Variants in GALK1 observed in about 807,000 individuals in gnomAD.
GALK1 encodes the protein galactokinase.
In GALK1, 30 loss-of-function variants were observed where a neutral mutation model predicts 38.6. That is an observed-to-expected ratio of 0.78 (90% confidence interval 0.58 to 1.05). GALK1 has a LOEUF of 1.05. Among genes scored for constraint, GALK1 ranks in the 50% least tolerant of loss-of-function variants. The probability of loss-of-function intolerance (pLI) is 0.00; values close to 1 mark genes in which losing one functional copy is unlikely to be tolerated. For synonymous variants in GALK1, 240 were observed against 233.6 expected (o/e 1.03, Z -0.25); for missense variants, 512 against 540.5 (o/e 0.95, Z 0.52).
chr17:75,755,740 G>T, downstream of GALK1: 2 of 1,612,760 alleles, frequency 1.2e-6, no homozygotes, highest in Non-Finnish European at 1.7e-6. Flanking sequence ...ACGCCCACCC[G>T]CCTGGTGTTC....
downstream of GALK1, chr17:75,757,835 T>C: frequency 1.5e-6 from 1 of 666,318 alleles, no homozygotes; most frequent in Non-Finnish European, 2.6e-6. Flanking sequence ...GCCTTGCCCA[T>C]TCTTCTGGGG....
chr17:75,755,118 G>A (rs144558385), downstream of GALK1: 101 of 1,609,086 alleles, frequency 6.3e-5, no homozygotes, highest in Admixed American at 1.3e-4. Flanking sequence ...CTGGGGTCCC[G>A]GAGTCGGGCT....
intron 8 of GALK1, among the ~76,000 whole-genome samples, chr17:75,752,893 C>G (rs770124139): frequency 3.3e-5 from 5 of 152,164 alleles, no homozygotes; most frequent in Admixed American, 6.5e-5. Flanking sequence ...AGGGGCAGGC[C>G]TGGCCCAGGA....
chr17:75,754,005 G>T, downstream of GALK1: 1 of 1,002,544 alleles, frequency 1.0e-6, no homozygotes, highest in Non-Finnish European at 1.3e-6. Flanking sequence ...CCCCCGATCC[G>T]CGCCCACCCA....
chr17:75,756,376 C>T, downstream of GALK1: 8 of 1,595,344 alleles, frequency 5.0e-6, no homozygotes, highest in Non-Finnish European at 6.9e-6. Flanking sequence ...GAGGATCAGG[C>T]CAGGGGTGGG....
chr17:75,762,789 G>T lies in GALK1; in HGVS notation c.708C>A (p.Tyr236Ter), dbSNP rs980603321. Residue 236 changes from tyrosine (Y) to a stop codon, truncating the protein, a stop_gained, in exon 5 of 8, where the codon TAC becomes TAA. Transcript: ENST00000588479. LOFTEE classifies it high-confidence loss of function. ...NVRHSLASSE[Y>*]PVRRRQCEEV... ...CTTCACATTGGCGCCGCCGCACAGG[G>T]TACTCGCTGGAGGCCAGGGAGTGGC... is the stretch of plus-strand genomic sequence containing the variant. The T allele has an allele frequency of 8.7e-6, 14 of 1,613,802 alleles. No individual in the cohort carries two copies. The highest frequency in any genetic ancestry group is 2.7e-5 in the African/African-American group (2 of 74,932).
chr17:75,764,415 T>C, intron 1 of GALK1: 1 of 598,704 alleles, frequency 1.7e-6, no homozygotes, highest in Non-Finnish European at 3.2e-6. Flanking sequence ...CTGGACATCC[T>C]GTACCTGTGC....
downstream of GALK1, chr17:75,754,358 G>A: frequency 1.6e-6 from 1 of 618,502 alleles, no homozygotes; most frequent in Non-Finnish European, 2.8e-6. Flanking sequence ...CACCGATAGA[G>A]TGGCCGGCCA....
At chr17:75,763,610 AT>A in intron 2 of GALK1, 171 bp from the exon 3 acceptor site, 2 of 769,762 alleles carry the variant, frequency 2.6e-6, no homozygotes, top group Non-Finnish European at 2.1e-6. Flanking sequence ...ACTGCCCTCC[AT>A]TTTCCCACCC....
At chr17:75,755,824 G>A, downstream of GALK1, 3 of 1,607,512 alleles carry the variant, frequency 1.9e-6, no homozygotes, top group Non-Finnish European at 2.5e-6. Flanking sequence ...CAGGGCTACA[G>A]TGTGGAGTAC....
chr17:75,755,906 G>T (rs950716066), downstream of GALK1: 4 of 1,574,202 alleles, frequency 2.5e-6, no homozygotes, highest in African/African-American at 5.4e-5. Flanking sequence ...CCTGGCCCCA[G>T]TGTGACACAT....
At chr17:75,752,723 C>T in intron 8 of GALK1, 1 of 1,027,564 alleles carries the variant, frequency 9.7e-7, no homozygotes, top group East Asian at 2.5e-5. Context: ...GAGTGCACAT[C>T]TGTGCATGGG....
At chr17:75,752,433 C>T (rs2061389936) in intron 8 of GALK1, 1 of 1,613,128 alleles carries the variant, frequency 6.2e-7, no homozygotes, top group Non-Finnish European at 8.5e-7. Flanking sequence ...TGGCTCACTC[C>T]CCTGCCCTGC....
intron 5 of GALK1, among the ~76,000 whole-genome samples, 160 bp downstream of exon 5, chr17:75,762,544 C>T (rs2061591665): frequency 6.6e-6 from 1 of 152,172 alleles, no homozygotes; most frequent in African/African-American, 2.4e-5. Context: ...TCAAGCAGCC[C>T]TGCTGAGATT....
chr17:75,751,900 A>G lies in GALK1; in HGVS notation c.*23-163T>C, dbSNP rs144072734. On this transcript the variant is annotated intron_variant, in intron 8 of 8. Coordinates refer to the GALK1 transcript ENST00000225614. ...CCTTGTGTGGAGGCACCGTGGATAT[A>G]TGGGTAGAGGTGACATCGAGGCCAA... The G allele has an allele frequency of 2.1e-3, 1,103 of 518,836 alleles. 10 individuals are homozygous for G. Among genetic ancestry groups the G allele is most frequent in the African/African-American group, 0.017 (871 of 52,224 alleles). The allele number at this position is 518,836 out of a possible 1,614,324, so 32.1% of individuals were successfully genotyped here.
chr17:75,753,724 GC>G, downstream of GALK1: 15 of 1,318,654 alleles, frequency 1.1e-5, no homozygotes, highest in South Asian at 6.2e-5. Context: ...TCGGCCCGGC[GC>G]CCCCCGGCGG....
intron 1 of GALK1, chr17:75,764,462 C>T (rs773531422): frequency 1.8e-6 from 1 of 556,052 alleles, no homozygotes; most frequent in South Asian, 1.4e-5. Context: ...AAGCGCCCCC[C>T]GCTGAAAGCT....
chr17:75,754,340 A>G, downstream of GALK1: 1 of 606,216 alleles, frequency 1.6e-6, no homozygotes, highest in Non-Finnish European at 2.9e-6. Context: ...CAGGGTCAGC[A>G]GTGCTCACAC....
chr17:75,764,816 G>A (rs749705043), intron 1 of GALK1, 156 bp downstream of exon 1: 2 of 797,500 alleles, frequency 2.5e-6, no homozygotes, highest in East Asian at 2.7e-5. Flanking sequence ...GGAACAGCCT[G>A]TCCCGGGGAC....
Sources: allele counts gnomAD v4.1 joint callset (sites outside exome capture counted in the v4.1 genomes callset), GRCh38; gene constraint gnomAD v4.1.1; transcripts MANE v1.5; gene names NCBI Gene and HGNC (gene_info 2026-07-23, HGNC 2026-07-21).